Variants in GRHL2 observed in about 807,000 individuals in gnomAD.
GRHL2 encodes grainyhead-like protein 2 homolog.
A neutral mutation model predicts 83.8 loss-of-function variants in GRHL2; 21 were observed. The ratio of observed to expected loss-of-function variants is 0.25; its 90% CI spans 0.18 to 0.36. The LOEUF (loss-of-function observed/expected upper bound fraction) is 0.36. Among genes scored for constraint, GRHL2 ranks in the 10% least tolerant of loss-of-function variants. The pLI is 1.00. For missense variants in GRHL2, 623 were observed against 781.8 expected, an observed-to-expected ratio of 0.80 and a Z score of 2.42; for synonymous variants, 280 against 278.9, an observed-to-expected ratio of 1.00 and a Z score of -0.04.
At chr8:101,493,872 C>A (rs112180861) in intron 1 of GRHL2, among the ~76,000 whole-genome samples, 1 of 151,902 alleles carries the variant, frequency 6.6e-6, no homozygotes, top group South Asian at 2.1e-4. Flanking sequence ...CGGCCTCCCC[C>A]CTGGCCGGCC....
At position 101,526,036 on chromosome 8, in the gene GRHL2, T is replaced by G. The variant is rs566551852; in HGVS notation, c.21-17205T>G. 7.2e-5 allele frequency among the ~76,000 whole-genome samples: 11 copies of G among 152,338 alleles called. No homozygotes were observed. In the South Asian group the frequency reaches 2.3e-3, roughly 32 times the overall value. On this transcript the variant is annotated intron_variant, in intron 1 of 15. Coordinates refer to ENST00000646743, the MANE Select transcript of GRHL2 (RefSeq NM_024915.4). ...ATGAGAAGAGTAGTGTTATTTCACA[T>G]TTTTGCAACTTTCTTTAATGCCTGG...
At chr8:101,507,114 A>G (rs1480856714) in intron 1 of GRHL2, among the ~76,000 whole-genome samples, 1 of 152,150 alleles carries the variant, frequency 6.6e-6, no homozygotes, top group Non-Finnish European at 1.5e-5. Flanking sequence ...TTTTTCATTT[A>G]TTCAAAAATA....
At chr8:101,639,166 T>G (rs1813348093) in intron 12 of GRHL2, among the ~76,000 whole-genome samples, 1 of 152,202 alleles carries the variant, frequency 6.6e-6, no homozygotes, top group African/African-American at 2.4e-5. Context: ...TCGACCTACT[T>G]GTAACTCCAT....
intron 4 of GRHL2, among the ~76,000 whole-genome samples, chr8:101,560,740 T>C (rs1413393563): frequency 6.6e-6 from 1 of 152,224 alleles, no homozygotes; most frequent in African/African-American, 2.4e-5. Flanking sequence ...TTTGCATTTC[T>C]TTATGTGTAG....
In GRHL2 at chr8:101,528,981, C is replaced by T. The variant is rs76566957; in HGVS notation, c.21-14260C>T. 5.6e-3 allele frequency: 1,975 copies of T among 350,492 alleles called. 16 individuals carry two copies. The highest frequency in any genetic ancestry group is 0.04 in the Middle Eastern group (96 of 2,392). The allele number at this position is 350,492 out of a possible 1,614,324, so 21.7% of individuals were successfully genotyped here. On this transcript the variant is annotated intron_variant, in intron 1 of 15. Transcript: ENST00000646743. ...TCACGGGTACATGGACTTGTTCAGC[C>T]CTCTTCTGCATTCTCTCTCCCTGTG...
chr8:101,555,611 C>A (rs1245915358), intron 3 of GRHL2, among the ~76,000 whole-genome samples: 2 of 152,088 alleles, frequency 1.3e-5, no homozygotes. Flanking sequence ...TCAGATGAAA[C>A]ATAAATTCTA....
chr8:101,589,362 C>T (rs1812229282), intron 7 of GRHL2, among the ~76,000 whole-genome samples: 1 of 152,182 alleles, frequency 6.6e-6, no homozygotes, highest in Admixed American at 6.5e-5. Flanking sequence ...GTTACTAAAT[C>T]TGGAGCTATG....
intron 2 of GRHL2, among the ~76,000 whole-genome samples, chr8:101,548,187 A>G (rs147673312): frequency 6.6e-6 from 1 of 152,108 alleles, no homozygotes; most frequent in Non-Finnish European, 1.5e-5. Context: ...CCACACACAC[A>G]CCCACCCAAA....
chr8:101,605,102 T>C (rs1307690568), intron 8 of GRHL2, among the ~76,000 whole-genome samples: 4 of 152,158 alleles, frequency 2.6e-5, no homozygotes, highest in African/African-American at 7.2e-5. Flanking sequence ...AGACAGGAAG[T>C]TGTTGCAGTT....
intron 8 of GRHL2, among the ~76,000 whole-genome samples, chr8:101,603,209 A>G (rs1267204554): frequency 2.0e-5 from 3 of 152,346 alleles, no homozygotes; most frequent in Middle Eastern, 3.4e-3. Context: ...TGGCCATATC[A>G]GAGGAGACCT....
At chr8:101,494,143 G>C (rs915769242) in intron 1 of GRHL2, among the ~76,000 whole-genome samples, 8 of 152,106 alleles carry the variant, frequency 5.3e-5, no homozygotes, top group Admixed American at 3.3e-4. Context: ...TCGCCGGAGA[G>C]GGCCGGTGCC....
intron 1 of GRHL2, among the ~76,000 whole-genome samples, chr8:101,505,592 A>AAG (rs1298617940): frequency 6.6e-6 from 1 of 151,534 alleles, no homozygotes; most frequent in Non-Finnish European, 1.5e-5. Context: ...AAAAAAAAAA[A>AAG]AAAAACAGTG....
In GRHL2 at chr8:101,613,250, C is replaced by T. The variant is rs544069209; in HGVS notation, c.1099-6289C>T. Among the ~76,000 whole-genome samples, 16 of 150,434 alleles carry T rather than the reference C, an allele frequency of 1.1e-4. 1 individual carries two copies. Among genetic ancestry groups the T allele is most frequent in the African/African-American group, 4.0e-4 (16 of 40,098 alleles). ...TGTGAGTCCACCAAGCATGCATCTG[C>T]GTGTATACATACATAACCGCAGAAT... On this transcript the variant is annotated intron_variant, in intron 8 of 15. Coordinates refer to ENST00000646743, the MANE Select transcript of GRHL2 (RefSeq NM_024915.4).
At chr8:101,545,813 T>C (rs1811250899) in intron 2 of GRHL2, among the ~76,000 whole-genome samples, 1 of 151,592 alleles carries the variant, frequency 6.6e-6, no homozygotes, top group Non-Finnish European at 1.5e-5. Context: ...TCTATAAATA[T>C]ATCTTTAAAG....
At chr8:101,661,761 T>G (rs1813927652) in intron 14 of GRHL2, among the ~76,000 whole-genome samples, 1 of 152,212 alleles carries the variant, frequency 6.6e-6, no homozygotes, top group South Asian at 2.1e-4. Flanking sequence ...GAGAGATAGC[T>G]TGTTGGTGTA....
intron 2 of GRHL2, among the ~76,000 whole-genome samples, chr8:101,548,745 A>G (rs567421549): frequency 7.7e-4 from 117 of 152,344 alleles, no homozygotes; most frequent in Non-Finnish European, 1.0e-3. Flanking sequence ...AAAAAAGAGC[A>G]TGGTTCAAAG....
chr8:101,546,614 A>G (rs1426051506), intron 2 of GRHL2, among the ~76,000 whole-genome samples: 1 of 151,976 alleles, frequency 6.6e-6, no homozygotes, highest in Non-Finnish European at 1.5e-5. Context: ...GGGATTTTGC[A>G]CATGTTGGCC....
intron 7 of GRHL2, among the ~76,000 whole-genome samples, chr8:101,580,830 A>G (rs2130252172): frequency 6.6e-6 from 1 of 152,104 alleles, no homozygotes; most frequent in Admixed American, 6.5e-5. Context: ...CAACCTCCTG[A>G]GTAGCTGGGG....
At chr8:101,585,754 C>T (rs1563593531) in intron 7 of GRHL2, among the ~76,000 whole-genome samples, 1 of 152,206 alleles carries the variant, frequency 6.6e-6, no homozygotes, top group Non-Finnish European at 1.5e-5. Flanking sequence ...ACTTAAAACA[C>T]TGTAAATGCA....
Sources: allele counts gnomAD v4.1 joint callset (sites outside exome capture counted in the v4.1 genomes callset), GRCh38; gene constraint gnomAD v4.1.1; transcripts MANE v1.5; gene names NCBI Gene and HGNC (gene_info 2026-07-23, HGNC 2026-07-21).